Variants in WDR7 observed in about 807,000 individuals in gnomAD.
The protein encoded by WDR7 is WD repeat-containing protein 7.
Under a neutral mutation model 169.4 loss-of-function variants are expected in WDR7, and 46 were observed. The observed-to-expected ratio is 0.27, with a 90% confidence interval of 0.21 to 0.35. WDR7 has a LOEUF of 0.35. Among genes scored for constraint, WDR7 ranks in the 10% least tolerant of loss-of-function variants. WDR7 has a pLI of 1.00. For synonymous variants in WDR7, 612 were observed against 666.8 expected, an observed-to-expected ratio of 0.92 and a Z score of 1.27; for missense variants, 1,534 against 1,859.3, an observed-to-expected ratio of 0.83 and a Z score of 3.22.
chr18:56,843,671 T>G (rs2045520757), intron 20 of WDR7, among the ~76,000 whole-genome samples: 1 of 152,134 alleles, frequency 6.6e-6, no homozygotes, highest in Non-Finnish European at 1.5e-5. Flanking sequence ...AAGTCCCTGC[T>G]TTCAGTTATT....
At chr18:56,723,045 G>A (rs1468334075) in intron 13 of WDR7, among the ~76,000 whole-genome samples, 1 of 152,092 alleles carries the variant, frequency 6.6e-6, no homozygotes, top group Non-Finnish European at 1.5e-5. Context: ...GTCTTCCATA[G>A]TGTGGTACTT....
At chr18:56,680,344 T>G (rs529510744) in intron 3 of WDR7, among the ~76,000 whole-genome samples, 135 of 152,272 alleles carry the variant, frequency 8.9e-4, no homozygotes, top group African/African-American at 3.2e-3. Context: ...GGTGACACAG[T>G]GAGACCCTGT....
chr18:56,935,634 C>G (rs1180029216), intron 22 of WDR7, among the ~76,000 whole-genome samples, 154 bp from the exon 23 acceptor site: 1 of 152,234 alleles, frequency 6.6e-6, no homozygotes, highest in Non-Finnish European at 1.5e-5. Context: ...CACCCTGACT[C>G]CTAATCACTG....
chr18:56,758,309 C>T (rs1046474823), intron 15 of WDR7, among the ~76,000 whole-genome samples: 1 of 152,134 alleles, frequency 6.6e-6, no homozygotes, highest in Non-Finnish European at 1.5e-5. Flanking sequence ...TGTTAGTTCC[C>T]TTAACCCTAT....
intron 25 of WDR7, among the ~76,000 whole-genome samples, chr18:56,949,528 T>A (rs930354715): frequency 2.6e-5 from 4 of 152,256 alleles, no homozygotes; most frequent in Non-Finnish European, 5.9e-5. Flanking sequence ...GGTTGGAATA[T>A]ATGGTCAGAA....
rs367841425 is a variant in WDR7, at chr18:56,939,262, A to G, written c.3982-49A>G. The G allele has an allele frequency of 1.1e-5, 15 of 1,413,884 alleles. No homozygotes were observed. In the African/African-American group the frequency reaches 2.2e-4, roughly 21 times the overall value. The allele number at this position is 1,413,884 out of a possible 1,614,324, so 87.6% of individuals were successfully genotyped here. On this transcript the variant is annotated intron_variant, in intron 24 of 27. Transcript: ENST00000254442. ...CCTAAATTAATCATTTACATTTTGG[A>G]AAATTAAGTATTTGAAATTAATTTT...
Position 57,027,193 on chromosome 18 carries a change from C to T in WDR7, c.4459C>T (p.Arg1487Cys), listed in dbSNP as rs757906324. Residue 1487 changes from arginine to cysteine, a missense_variant, in exon 28 of 28, where the codon CGC (arginine) becomes TGC (cysteine). Arg to Cys is a radical substitution (Grantham distance 180, BLOSUM62 -3). Transcript: ENST00000254442. ...ILMAHDGKEH[R>C]FMV ...CATGGCCCATGACGGGAAGGAGCAC[C>T]GCTTCATGGTCTAATGCTGCTGCCT... 1.3e-5 allele frequency: 21 copies of T among 1,613,318 alleles called. No homozygotes were observed. Among genetic ancestry groups the T allele is most frequent in the African/African-American group, 2.7e-5 (2 of 74,906 alleles).
intron 20 of WDR7, among the ~76,000 whole-genome samples, chr18:56,855,302 AGTTT>A (rs1311666196): frequency 6.6e-6 from 1 of 151,718 alleles, no homozygotes; most frequent in East Asian, 1.9e-4. Flanking sequence ...GAATACTAAT[AGTTT>A]GTCAGTTATA....
intron 27 of WDR7, among the ~76,000 whole-genome samples, chr18:57,021,980 ACT>A (rs2048298874): frequency 6.6e-6 from 1 of 152,226 alleles, no homozygotes; most frequent in South Asian, 2.1e-4. Flanking sequence ...GACTTCTTCT[ACT>A]TTTATCTAAT....
chr18:56,776,795 C>T lies in WDR7; in HGVS notation c.2862C>T (p.Val954=), dbSNP rs773218207. ...TTCCTCTGCAAGTTGCTGCACCTGTCGTTTCCGCTCGGTCTGATGCTGATC... is the reference window on the plus strand; with the variant it reads ...TTCCTCTGCAAGTTGCTGCACCTGTTGTTTCCGCTCGGTCTGATGCTGATC... ...QGQIKQVAAP[V]VSARSDADHS... Residue 954 remains valine (V), a synonymous_variant, in exon 17 of 28, where the codon GTC becomes GTT. Coordinates refer to ENST00000254442, the MANE Select transcript of WDR7 (RefSeq NM_015285.3). 15 of 1,613,792 alleles carry T rather than the reference C, an allele frequency of 9.3e-6. No homozygotes were observed. The African/African-American group carries it at 1.5e-4, about 16-fold the overall frequency.
At chr18:56,860,120 C>T (rs1298811664) in intron 20 of WDR7, among the ~76,000 whole-genome samples, 1 of 152,164 alleles carries the variant, frequency 6.6e-6, no homozygotes, top group African/African-American at 2.4e-5. Flanking sequence ...GTAGTCAGTA[C>T]TGATTCCCAA....
chr18:56,998,928 C>G (rs1312379984), intron 26 of WDR7, among the ~76,000 whole-genome samples: 1 of 152,150 alleles, frequency 6.6e-6, no homozygotes, highest in Non-Finnish European at 1.5e-5. Context: ...CTTGATGGTA[C>G]ATCGTAGCGC....
chr18:56,712,531 G>A (rs1055585891), intron 12 of WDR7, among the ~76,000 whole-genome samples: 1 of 152,178 alleles, frequency 6.6e-6, no homozygotes, highest in Non-Finnish European at 1.5e-5. Context: ...AATAAAAATA[G>A]AGTTTTTACT....
At chr18:56,699,085 T>G (rs1417680486) in intron 12 of WDR7, among the ~76,000 whole-genome samples, 1 of 152,204 alleles carries the variant, frequency 6.6e-6, no homozygotes, top group African/African-American at 2.4e-5. Flanking sequence ...ATTTTAAAAT[T>G]CTTATTCAAA....
intron 7 of WDR7, among the ~76,000 whole-genome samples, chr18:56,689,096 T>A (rs559824083): frequency 6.6e-6 from 1 of 152,138 alleles, no homozygotes; most frequent in Non-Finnish European, 1.5e-5. Flanking sequence ...AGAAAGGTGC[T>A]CAACTTCACT....
chr18:57,019,576 G>A (rs2048257651), intron 26 of WDR7, among the ~76,000 whole-genome samples: 1 of 152,040 alleles, frequency 6.6e-6, no homozygotes, highest in African/African-American at 2.4e-5. Context: ...TCCCTTGAAA[G>A]TCTAATGACA....
chr18:56,924,459 G>A (rs912208425), intron 22 of WDR7, among the ~76,000 whole-genome samples: 2 of 152,136 alleles, frequency 1.3e-5, no homozygotes, highest in African/African-American at 2.4e-5. Context: ...ATTATGGCCA[G>A]CATACGTGGC....
At chr18:56,865,385 A>C (rs932054019) in intron 20 of WDR7, among the ~76,000 whole-genome samples, 1 of 152,148 alleles carries the variant, frequency 6.6e-6, no homozygotes, top group African/African-American at 2.4e-5. Flanking sequence ...TCGGCTTAGA[A>C]TAGCACTAGT....
chr18:56,967,327 G>A (rs2047424122), intron 26 of WDR7, among the ~76,000 whole-genome samples: 1 of 152,048 alleles, frequency 6.6e-6, no homozygotes, highest in South Asian at 2.1e-4. Context: ...TTAAGGTCCT[G>A]CTGTGCTGCT....
Sources: allele counts gnomAD v4.1 joint callset (sites outside exome capture counted in the v4.1 genomes callset), GRCh38; gene constraint gnomAD v4.1.1; transcripts MANE v1.5; gene names NCBI Gene and HGNC (gene_info 2026-07-23, HGNC 2026-07-21).